Variants in SYT3 observed in about 807,000 individuals in gnomAD.
SYT3 encodes synaptotagmin-3.
In SYT3, 25 loss-of-function variants were observed where a neutral mutation model predicts 50.6. The ratio of observed to expected loss-of-function variants is 0.49; its 90% confidence interval spans 0.36 to 0.69. The LOEUF is 0.69. SYT3 is among the 30% of genes least tolerant of loss of function. The pLI, the probability that SYT3 is intolerant of heterozygous loss-of-function variation, is 0.00. For synonymous variants in SYT3, 323 were observed against 353.9 expected (o/e 0.91, Z 0.98); for missense variants, 589 against 793.6 (o/e 0.74, Z 3.10).
At chr19:50,626,117 T>G (rs557818860) in intron 6 of SYT3, 100 bp from the exon 7 acceptor site, 1 of 1,477,836 alleles carries the variant, frequency 6.8e-7, no homozygotes, top group Admixed American at 2.2e-5. Context: ...CACCCTGACA[T>G]CCAGGGCTCA....
the SYT3 span, chr19:50,649,918 T>C: frequency 3.4e-5 from 15 of 446,296 alleles, no homozygotes; most frequent in Non-Finnish European, 5.0e-5. Flanking sequence ...GTGCCATCCT[T>C]CCACCTCCCA....
chr19:50,629,982 G>A lies in SYT3; in HGVS notation c.864C>T (p.Gly288=). Reference sequence around the variant, plus strand: ...CTGTGCCTGCCTCTCCAGAGCCTGGGCCCCCACCGCTCCGCCGGCCACCAG... The same window carrying A: ...CTGTGCCTGCCTCTCCAGAGCCTGGACCCCCACCGCTCCGCCGGCCACCAG... ...TGPGGRRSGG[G]PGSGEAGTGA... is the part of the protein sequence containing the mutation. The change falls in exon 5 of 11, where the codon GGC becomes GGT. Residue 288 remains glycine (G), a synonymous_variant. Coordinates refer to ENST00000600079, the MANE Select transcript of SYT3 (RefSeq NM_001160329.2). 1 of 1,613,764 alleles carries A rather than the reference G, an allele frequency of 6.2e-7. No individual in the cohort carries two copies. The highest frequency in any genetic ancestry group is 8.5e-7 in the Non-Finnish European group (1 of 1,179,826).
chr19:50,631,407 G>A (rs879486280), intron 4 of SYT3, among the ~76,000 whole-genome samples: 1 of 151,968 alleles, frequency 6.6e-6, no homozygotes, highest in African/African-American at 2.4e-5. Flanking sequence ...CAAGTGATCT[G>A]CCCACTTCGG....
At chr19:50,656,739 G>A in the SYT3 span, among the ~76,000 whole-genome samples, 14 of 152,138 alleles carry the variant, frequency 9.2e-5, no homozygotes, top group Non-Finnish European at 1.6e-4. Flanking sequence ...ATCACTAGAG[G>A]TCAGGAGTTT....
chr19:50,625,876 C>T lies in SYT3; in HGVS notation c.1402+21G>A. On this transcript the variant is annotated intron_variant, in intron 7 of 10. Coordinates refer to ENST00000600079, the MANE Select transcript of SYT3 (RefSeq NM_001160329.2). The surrounding 1 kb of genome is among the most constrained non-coding windows in gnomAD (Gnocchi z 7.5). ...GGAGTCCAGGCCCCCAGCCCTCCTC[C>T]CTCAGACCCAGGACCCTCACCTGAG... 1.2e-6 allele frequency: 2 copies of T among 1,610,554 alleles called. No individual in the cohort carries two copies. Among genetic ancestry groups the T allele is most frequent in the Non-Finnish European group, 1.7e-6 (2 of 1,178,526 alleles).
At chr19:50,633,456 C>T (rs1984390900) in intron 3 of SYT3, among the ~76,000 whole-genome samples, 1 of 152,174 alleles carries the variant, frequency 6.6e-6, no homozygotes, top group Admixed American at 6.5e-5. Flanking sequence ...TAATAGAACA[C>T]AACATGTGAG....
the SYT3 span, among the ~76,000 whole-genome samples, chr19:50,651,213 G>A: frequency 3.9e-5 from 6 of 152,144 alleles, no homozygotes; most frequent in Non-Finnish European, 7.4e-5. Context: ...GGCAATAAGC[G>A]CTCTTTAGTC....
Position 50,629,852 on chromosome 19 carries a change from T to C in SYT3, c.994A>G (p.Asn332Asp). ...QALDLPAKDSNGFSDPYVKIY... is the reference protein window; with the variant it reads ...QALDLPAKDSDGFSDPYVKIY... The stretch of plus-strand genomic sequence containing the variant: ...TTGACGTAGGGGTCTGAGAAGCCGT[T>C]GGAGTCCTTGGCAGGGAGGTCCAGG... The change falls in exon 5 of 11, where the codon AAC becomes GAC. Residue 332 changes from asparagine (N) to aspartate (D), a missense_variant. Physicochemically the swap from Asn to Asp is conservative, Grantham distance 23. Around this residue, in one of 2 missense-constraint regions of SYT3, gnomAD observed 273 missense variants for 439.3 expected, o/e 0.62. Coordinates refer to ENST00000600079, the MANE Select transcript of SYT3 (RefSeq NM_001160329.2). 6.2e-7 allele frequency: 1 copy of C among 1,614,090 alleles called. No homozygotes were observed. Among genetic ancestry groups the C allele is most frequent in the Non-Finnish European group, 8.5e-7 (1 of 1,179,980 alleles).
At chr19:50,641,788 G>A (rs1599823810), upstream of SYT3, among the ~76,000 whole-genome samples, 1 of 152,028 alleles carries the variant, frequency 6.6e-6, no homozygotes. Context: ...GGAGGTTGCA[G>A]TCAGTGAGCC....
At chr19:50,656,380 T>A in the SYT3 span, 2 of 1,513,732 alleles carry the variant, frequency 1.3e-6, no homozygotes, top group Non-Finnish European at 1.8e-6. Context: ...TTCTGCACAG[T>A]TTTGGTGGGG....
chr19:50,640,414 ACT>A (rs1406722007), upstream of SYT3, among the ~76,000 whole-genome samples: 1 of 152,276 alleles, frequency 6.6e-6, no homozygotes, highest in Non-Finnish European at 1.5e-5. Context: ...ATTGGTACCA[ACT>A]AGGTACTTAA....
the SYT3 span, among the ~76,000 whole-genome samples, chr19:50,648,230 AC>A: frequency 6.6e-6 from 1 of 152,064 alleles, no homozygotes; most frequent in Non-Finnish European, 1.5e-5. Context: ...CAGGGGAAAA[AC>A]CCTGTTTTCT....
intron 9 of SYT3, among the ~76,000 whole-genome samples, chr19:50,624,366 A>C (rs1391912784): frequency 3.9e-5 from 6 of 152,176 alleles, no homozygotes; most frequent in Non-Finnish European, 7.3e-5. Flanking sequence ...AATTCACAAC[A>C]TTATTTTACA....
At chr19:50,630,359 G>A (rs954194802) in intron 4 of SYT3, among the ~76,000 whole-genome samples, 188 bp from the exon 5 acceptor site, 1 of 151,980 alleles carries the variant, frequency 6.6e-6, no homozygotes, top group Non-Finnish European at 1.5e-5. Context: ...ATTCCCCATT[G>A]GTATCTGGGG....
the SYT3 span, chr19:50,655,962 C>A: frequency 7.9e-7 from 1 of 1,267,020 alleles, no homozygotes; most frequent in Non-Finnish European, 1.1e-6. Flanking sequence ...CTGGGTGTGG[C>A]ATGGGCAAGC....
At chr19:50,654,165 C>T in the SYT3 span, among the ~76,000 whole-genome samples, 42 of 152,148 alleles carry the variant, frequency 2.8e-4, 1 homozygote, top group African/African-American at 9.7e-4. Flanking sequence ...GCTTCCCTCC[C>T]TTTCAGCAGC....
intron 4 of SYT3, among the ~76,000 whole-genome samples, chr19:50,630,584 G>A (rs1471001889): frequency 2.6e-5 from 4 of 151,966 alleles, no homozygotes; most frequent in East Asian, 1.9e-4. Flanking sequence ...CACCATATCC[G>A]GCTAATTTTT....
chr19:50,649,384 G>A, the SYT3 span: 5 of 1,505,592 alleles, frequency 3.3e-6, no homozygotes, highest in South Asian at 2.4e-5. Flanking sequence ...GCTGGGGTGG[G>A]TGGCCCAGGC....
At chr19:50,636,254 A>G (rs943242921) in intron 3 of SYT3, among the ~76,000 whole-genome samples, 47 of 149,078 alleles carry the variant, frequency 3.2e-4, no homozygotes, top group African/African-American at 1.2e-3. Context: ...GTGAAACTCC[A>G]TCTCAAAAAC....
Sources: gnomAD v4.1 joint callset for allele counts (sites outside exome capture counted in the v4.1 genomes callset) on GRCh38, gnomAD v4.1.1 for gene constraint, gnomAD v4.1.1 regional missense constraint, Gnocchi (gnomAD v3.1) non-coding constraint, MANE v1.5 for transcripts, NCBI Gene and HGNC (gene_info 2026-07-23, HGNC 2026-07-21) for gene names.